Variants in SMIM7 observed in about 807,000 individuals in gnomAD.
The protein encoded by SMIM7 is UPF0608 protein C19orf42.
A neutral mutation model predicts 13.3 loss-of-function variants in SMIM7; 12 were observed. The observed-to-expected ratio is 0.90, with a 90% CI of 0.58 to 1.46. The LOEUF is 1.46. Among genes scored for constraint, SMIM7 ranks in the 40% most tolerant of loss-of-function variants. The pLI, the probability that SMIM7 is intolerant of heterozygous loss-of-function variation, is 0.00. For missense variants in SMIM7, 114 were observed against 94.8 expected (o/e 1.20, Z -0.84); for synonymous variants, 36 against 35.8 (o/e 1.01, Z -0.02).
rs1006728520 is a variant in SMIM7 at position 16,647,123 on chromosome 19, G to A, written c.*123C>T. The A allele has an allele frequency of 1.5e-5, 20 of 1,309,232 alleles. No individual in the cohort carries two copies. Among genetic ancestry groups the A allele is most frequent in the Non-Finnish European group, 2.0e-5 (18 of 914,274 alleles). 81.1% of individuals were successfully genotyped at this position (1,309,232 alleles called of 1,614,324 possible). On this transcript the variant is annotated 3_prime_UTR_variant, in exon 5 of 5. Coordinates refer to ENST00000487416, the MANE Select transcript of SMIM7 (RefSeq NM_024104.4). ...CGGCGAACACTTTTCCACCCACCAC[G>A]AGCTTGGACTTTCTGGGAAGGTTGT...
At position 16,659,992 on chromosome 19, in the gene SMIM7, A is replaced by G; in HGVS notation, c.35T>C (p.Leu12Pro). ...GTTCAGCACCGCCCCGGCATTCATC[A>G]GCAACGTCCTGCAGAGGGAGAATTA... ...IGDILLFGTL[L>P]MNAGAVLNFK... is the part of the protein sequence containing the mutation. The change falls in exon 2 of 5, where the codon CTG (leucine) becomes CCG (proline). Residue 12 changes from leucine (L) to proline (P), a missense_variant. Transcript: ENST00000487416. 6.2e-7 allele frequency: 1 copy of G among 1,613,898 alleles called. No homozygotes were observed.
At chr19:16,631,625 G>C (rs1334976331) in exon 5 of SMIM7, 5 of 152,170 alleles carry the variant, frequency 3.3e-5, no homozygotes, top group African/African-American at 1.2e-4. Context: ...GACGAGGCAG[G>C]TTCACACAGC....
chr19:16,655,680 C>CAAAA (rs869256040), intron 3 of SMIM7, among the ~76,000 whole-genome samples: 2,371 of 37,800 alleles, frequency 0.063, 188 homozygotes, highest in African/African-American at 0.12. Context: ...GACTCCATCT[C>CAAAA]AAAAAAAAAA....
Position 16,647,253 on chromosome 19 carries a change from C to T in SMIM7, c.221G>A (p.Gly74Asp). ...FMMFCMIVLF[G>D]S ...TGGTTTCATCGCTGGGATTCAAGAG[C>T]CGAACAGCCTGGAGAAGTCAGAGGG... Residue 74 changes from glycine (G) to aspartate (D), a missense_variant, in exon 5 of 5, where the codon GGC (glycine) becomes GAC (aspartate). Physicochemically the swap from Gly to Asp is moderately conservative, Grantham distance 94 (BLOSUM62 -1). Coordinates refer to ENST00000487416, the MANE Select transcript of SMIM7 (RefSeq NM_024104.4). The T allele has an allele frequency of 6.2e-7, 1 of 1,613,956 alleles. No individual in the cohort carries two copies. Among genetic ancestry groups the T allele is most frequent in the Non-Finnish European group, 8.5e-7 (1 of 1,180,004 alleles).
intron 4 of SMIM7, among the ~76,000 whole-genome samples, chr19:16,636,010 A>G (rs2086358747): frequency 6.6e-6 from 1 of 151,414 alleles, no homozygotes; most frequent in South Asian, 2.1e-4. Context: ...AGAACCTGTA[A>G]ATATGTCATG....
exon 5 of SMIM7, chr19:16,630,898 T>C (rs1396633412): frequency 4.6e-5 from 7 of 152,230 alleles, no homozygotes; most frequent in Non-Finnish European, 1.0e-4. Context: ...TAGCCAACTT[T>C]CTGCATTGAG....
Position 16,659,950 on chromosome 19 carries a change from C to G in SMIM7, c.68+9G>C. 1 of 1,610,518 alleles carries G rather than the reference C, an allele frequency of 6.2e-7. No individual in the cohort carries two copies. The highest frequency in any genetic ancestry group is 8.5e-7 in the Non-Finnish European group (1 of 1,178,744). On this transcript the variant is annotated intron_variant, in intron 2 of 4. Transcript: ENST00000487416. ...GGATGGAGCCGCAGTCCGGCCGCGA[C>G]CTACTCACAGCTTAAAGTTCAGCAC...
At chr19:16,642,243 T>C (rs186533362), downstream of SMIM7, among the ~76,000 whole-genome samples, 35 of 152,318 alleles carry the variant, frequency 2.3e-4, no homozygotes, top group East Asian at 5.8e-3. Flanking sequence ...GTCTTTACAA[T>C]GGCGTATTTG....
At position 16,647,279 on chromosome 19, in the gene SMIM7, C is replaced by A; in HGVS notation, c.213-18G>T. ...CGAACAGCCTGGAGAAGTCAGAGGG[C>A]AGAAATGTCTGTGAGGATAGGAGGT... On this transcript the variant is annotated intron_variant, in intron 4 of 4. Coordinates refer to ENST00000487416, the MANE Select transcript of SMIM7 (RefSeq NM_024104.4). 1.9e-6 allele frequency: 3 copies of A among 1,613,784 alleles called. No homozygotes were observed. Among genetic ancestry groups the A allele is most frequent in the Non-Finnish European group, 2.5e-6 (3 of 1,179,954 alleles).
intron 2 of SMIM7, 61 bp downstream of exon 2, chr19:16,659,898 T>C: frequency 3.2e-6 from 5 of 1,556,950 alleles, no homozygotes; most frequent in Non-Finnish European, 4.3e-6. Context: ...GAGATCACGC[T>C]TATGAGGGCG....
intron 4 of SMIM7, among the ~76,000 whole-genome samples, chr19:16,633,228 G>A (rs2086334668): frequency 1.3e-5 from 2 of 151,858 alleles, no homozygotes; most frequent in Non-Finnish European, 2.9e-5. Context: ...AGGCAGAAGT[G>A]GATGGATCAC....
intron 3 of SMIM7, among the ~76,000 whole-genome samples, chr19:16,655,689 A>AC (rs1449423973): frequency 6.6e-6 from 1 of 150,876 alleles, no homozygotes; most frequent in Non-Finnish European, 1.5e-5. Flanking sequence ...TCAAAAAAAA[A>AC]AAAAAAAAAA....
intron 4 of SMIM7, among the ~76,000 whole-genome samples, chr19:16,648,637 A>T (rs1315353475): frequency 3.3e-5 from 5 of 152,234 alleles, no homozygotes; most frequent in Non-Finnish European, 7.3e-5. Context: ...CATTTCCTCA[A>T]AGGAGGTGGA....
chr19:16,657,632 T>C (rs1279023691), intron 3 of SMIM7, among the ~76,000 whole-genome samples: 2 of 152,156 alleles, frequency 1.3e-5, no homozygotes, highest in Non-Finnish European at 2.9e-5. Flanking sequence ...AAGTGACCAT[T>C]ATCTTTTAAG....
rs1476792163 is a variant in SMIM7 at position 16,647,026 on chromosome 19, GCATTT to G, written c.*215_*219del. 1.6e-6 allele frequency: 1 copy of G among 619,132 alleles called. No individual in the cohort carries two copies. Among genetic ancestry groups the G allele is most frequent in the African/African-American group, 1.8e-5 (1 of 54,158 alleles). The allele number at this position is 619,132 out of a possible 1,614,324, so 38.4% of individuals were successfully genotyped here. ...GCTCCTGAAACCCTTTCAGTAGACA[GCATTT>G]CAATTCAGAGACCAAAGTGAAACTA... On this transcript the variant is annotated 3_prime_UTR_variant, in exon 5 of 5. Coordinates refer to ENST00000487416, the MANE Select transcript of SMIM7 (RefSeq NM_024104.4).
At chr19:16,645,174 T>A (rs2086437121), downstream of SMIM7, 2 of 152,140 alleles carry the variant, frequency 1.3e-5, no homozygotes, top group Admixed American at 6.5e-5. Flanking sequence ...CCAACCAGCA[T>A]CTGAAAAAGC....
intron 4 of SMIM7, among the ~76,000 whole-genome samples, chr19:16,637,594 G>A (rs1328321054): frequency 6.6e-6 from 1 of 152,220 alleles, no homozygotes; most frequent in Non-Finnish European, 1.5e-5. Context: ...AGGGATTTAG[G>A]AGGATGTTGA....
intron 3 of SMIM7, among the ~76,000 whole-genome samples, chr19:16,658,544 C>G (rs1264899286): frequency 6.6e-6 from 1 of 152,180 alleles, no homozygotes; most frequent in Non-Finnish European, 1.5e-5. Flanking sequence ...TCCTTCTCAA[C>G]TACACTCAAT....
At chr19:16,648,042 A>T (rs941191460) in intron 4 of SMIM7, among the ~76,000 whole-genome samples, 7 of 152,168 alleles carry the variant, frequency 4.6e-5, no homozygotes, top group African/African-American at 7.2e-5. Flanking sequence ...ACTTACGTGT[A>T]CATCTTTGTA....
Sources: gnomAD v4.1 joint callset for allele counts (sites outside exome capture counted in the v4.1 genomes callset) on GRCh38, gnomAD v4.1.1 for gene constraint, MANE v1.5 for transcripts, NCBI Gene and HGNC (gene_info 2026-07-23, HGNC 2026-07-21) for gene names.